Variants in PARD3B observed in about 807,000 individuals in gnomAD.
The protein encoded by PARD3B is partitioning defective 3 homolog B.
A neutral mutation model predicts 130.2 loss-of-function variants in PARD3B; 103 were observed. The ratio of observed to expected loss-of-function variants is 0.79; its 90% confidence interval spans 0.67 to 0.93. The LOEUF (loss-of-function observed/expected upper bound fraction) is 0.93, where lower values mean the gene tolerates loss of function less well. PARD3B is among the 40% of genes least tolerant of loss of function. The probability of loss-of-function intolerance (pLI) is 0.00; values close to 1 mark genes in which losing one functional copy is unlikely to be tolerated. For synonymous variants in PARD3B, 583 were observed against 553.2 expected (o/e 1.05, Z -0.76); for missense variants, 1,609 against 1,499.2 (o/e 1.07, Z -1.21).
At chr2:204,902,660 C>T (rs2046907996) in intron 2 of PARD3B, among the ~76,000 whole-genome samples, 1 of 112,932 alleles carries the variant, frequency 8.9e-6, no homozygotes, top group Non-Finnish European at 1.7e-5. Context: ...CAGAGCAAGA[C>T]TCTGTCTCAA....
At chr2:205,400,983 T>C in intron 18 of PARD3B, 30 bp from the exon 19 acceptor site, 2 of 1,508,352 alleles carry the variant, frequency 1.3e-6, no homozygotes, top group Non-Finnish European at 1.8e-6. Context: ...GTGATTATTG[T>C]TAACAGCCTT....
rs1404609547 is a variant in PARD3B at position 204,673,796 on chromosome 2, C to T, written c.121-12385C>T. Reference sequence around the variant, plus strand: ...TTGTTTGTTAATTATTGTCTTCTCCCTTCACTAAAATTTAAGCTTTATTCC... The same window carrying T: ...TTGTTTGTTAATTATTGTCTTCTCCTTTCACTAAAATTTAAGCTTTATTCC... On this transcript the variant is annotated intron_variant, in intron 1 of 22. Transcript: ENST00000406610. The surrounding 1 kb of genome is among the most constrained non-coding windows in gnomAD (Gnocchi z 4.7). Among the ~76,000 whole-genome samples, 3 of 152,124 alleles carry T rather than the reference C, an allele frequency of 2.0e-5. No individual in the cohort carries two copies. The highest frequency in any genetic ancestry group is 7.2e-5 in the African/African-American group (3 of 41,404).
At chr2:204,642,539 C>G (rs1476240567) in intron 1 of PARD3B, among the ~76,000 whole-genome samples, 1 of 152,088 alleles carries the variant, frequency 6.6e-6, no homozygotes, top group African/African-American at 2.4e-5. Flanking sequence ...GATTTCTGTC[C>G]ATGGTGGCAT....
chr2:204,698,240 C>G (rs908295825), intron 2 of PARD3B, among the ~76,000 whole-genome samples: 1 of 152,102 alleles, frequency 6.6e-6, no homozygotes, highest in African/African-American at 2.4e-5. Flanking sequence ...TTTTGGGCTC[C>G]TCTTTATTTC....
intron 1 of PARD3B, among the ~76,000 whole-genome samples, chr2:204,584,620 C>A (rs2125086000): frequency 6.6e-6 from 1 of 152,250 alleles, no homozygotes; most frequent in African/African-American, 2.4e-5. Flanking sequence ...TGATGTCTGG[C>A]TTCTACTCCT....
At position 205,291,132 on chromosome 2, in the gene PARD3B, G is replaced by A. The variant is rs1265008886; in HGVS notation, c.2186-9398G>A. Among the ~76,000 whole-genome samples, 1 of 152,146 alleles carries A rather than the reference G, an allele frequency of 6.6e-6. No homozygotes were observed. Among genetic ancestry groups the A allele is most frequent in the Admixed American group, 6.5e-5 (1 of 15,282 alleles). On this transcript the variant is annotated intron_variant, in intron 16 of 22. Coordinates refer to ENST00000406610, the MANE Select transcript of PARD3B (RefSeq NM_001302769.2). The surrounding 1 kb of genome is among the most constrained non-coding windows in gnomAD (Gnocchi z 4.6). ...CAGCTTTGAAACTGGGTAATGGGTG[G>A]AGGCTGAAAGAGTTTTTAAGTGCAT...
rs960598373 is a variant in PARD3B at position 205,470,720 on chromosome 2, A to T, written c.3045-29176A>T. On this transcript the variant is annotated intron_variant, in intron 20 of 22. Coordinates refer to ENST00000406610, the MANE Select transcript of PARD3B (RefSeq NM_001302769.2). This position sits in a 1 kb window ranked among gnomAD's most constrained non-coding sequence, Gnocchi z 4.8. ...TAAAACGTAATGAGGTTTCAAACAG[A>T]TGTGGCCACTGCCCCTAGGAGTTGG... Among the ~76,000 whole-genome samples the T allele has an allele frequency of 1.1e-4, 16 of 152,210 alleles. No homozygotes were observed. Among genetic ancestry groups the T allele is most frequent in the African/African-American group, 3.9e-4 (16 of 41,456 alleles).
chr2:205,347,062 C>A (rs1485853686), intron 18 of PARD3B, among the ~76,000 whole-genome samples: 1 of 152,124 alleles, frequency 6.6e-6, no homozygotes, highest in Non-Finnish European at 1.5e-5. Flanking sequence ...ATTTCATATT[C>A]CTTATTCAAA....
chr2:204,600,120 T>C (rs114785691), intron 1 of PARD3B, among the ~76,000 whole-genome samples: 1,633 of 152,020 alleles, frequency 0.011, 30 homozygotes, highest in African/African-American at 0.037. Context: ...TGCCATTCTG[T>C]AGGTTGCCTT....
intron 2 of PARD3B, among the ~76,000 whole-genome samples, chr2:204,804,780 G>A (rs1054842888): frequency 5.3e-5 from 8 of 152,066 alleles, no homozygotes; most frequent in Admixed American, 1.3e-4. Context: ...ATAATATCAA[G>A]CATGTTCTCT....
intron 2 of PARD3B, among the ~76,000 whole-genome samples, chr2:204,721,060 T>C (rs941185858): frequency 3.9e-5 from 6 of 152,166 alleles, no homozygotes; most frequent in East Asian, 1.9e-4. Flanking sequence ...TCTGTGGTCA[T>C]AACTTAGTCA....
At chr2:205,452,700 G>A (rs113908986) in intron 20 of PARD3B, among the ~76,000 whole-genome samples, 164 of 151,722 alleles carry the variant, frequency 1.1e-3, no homozygotes, top group Middle Eastern at 6.8e-3. Context: ...TTTTTTTCCC[G>A]TCGTCTGAGA....
At chr2:205,337,913 G>T (rs143140507) in intron 18 of PARD3B, among the ~76,000 whole-genome samples, 36 of 152,198 alleles carry the variant, frequency 2.4e-4, no homozygotes, top group African/African-American at 8.4e-4. Context: ...AGTTTGGGAG[G>T]CCAAGGCGGG....
intron 2 of PARD3B, among the ~76,000 whole-genome samples, chr2:204,805,004 A>G (rs945309036): frequency 1.8e-4 from 28 of 152,092 alleles, no homozygotes; most frequent in African/African-American, 6.5e-4. Flanking sequence ...GCCATCTTCA[A>G]ATAAACAACT....
chr2:205,550,721 G>A lies in PARD3B; in HGVS notation c.3181-2603G>A, dbSNP rs565966491. Among the ~76,000 whole-genome samples, 1 of 151,534 alleles carries A rather than the reference G, an allele frequency of 6.6e-6. No individual in the cohort carries two copies. Among genetic ancestry groups the A allele is most frequent in the African/African-American group, 2.4e-5 (1 of 41,296 alleles). ...TACATTTCATACAATCTTATATGCT[G>A]TTGGGTATATTTCATAGGTGTGTGT... is the stretch of plus-strand genomic sequence containing the variant. On this transcript the variant is annotated intron_variant, in intron 21 of 22. Transcript: ENST00000406610. The surrounding 1 kb of genome is among the most constrained non-coding windows in gnomAD (Gnocchi z 4.5).
At chr2:205,384,002 C>A (rs560201157) in intron 18 of PARD3B, among the ~76,000 whole-genome samples, 1 of 152,068 alleles carries the variant, frequency 6.6e-6, no homozygotes, top group Non-Finnish European at 1.5e-5. Context: ...TCCTTTGGGA[C>A]TCTGAAACTG....
chr2:205,554,229 G>A (rs1229042889), intron 22 of PARD3B, among the ~76,000 whole-genome samples: 2 of 142,552 alleles, frequency 1.4e-5, no homozygotes, highest in East Asian at 4.4e-4. Flanking sequence ...CTTTTAAAGG[G>A]GTGGGGGAAA....
intron 18 of PARD3B, among the ~76,000 whole-genome samples, chr2:205,380,910 T>C (rs1343749015): frequency 3.5e-5 from 3 of 85,010 alleles, no homozygotes; most frequent in Non-Finnish European, 3.9e-5. Flanking sequence ...ATATAATATA[T>C]AAAGAATATA....
At position 204,675,398 on chromosome 2, in the gene PARD3B, G is replaced by A. The variant is rs35999742; in HGVS notation, c.121-10783G>A. Among the ~76,000 whole-genome samples, 3,701 of 151,810 alleles carry A rather than the reference G, an allele frequency of 0.024. 47 individuals carry two copies. The highest frequency in any genetic ancestry group is 0.041 in the South Asian group (198 of 4,800). Reference sequence around the variant, plus strand: ...ATAACTTCAGTTTTGTGATTATACTGTATATAAACCTGAAGAGTTACATAA... The same window carrying A: ...ATAACTTCAGTTTTGTGATTATACTATATATAAACCTGAAGAGTTACATAA... On this transcript the variant is annotated intron_variant, in intron 1 of 22. Coordinates refer to ENST00000406610, the MANE Select transcript of PARD3B (RefSeq NM_001302769.2). This position sits in a 1 kb window ranked among gnomAD's most constrained non-coding sequence, Gnocchi z 4.4.
Sources: allele counts gnomAD v4.1 joint callset (sites outside exome capture counted in the v4.1 genomes callset), GRCh38; gene constraint gnomAD v4.1.1; non-coding constraint Gnocchi (gnomAD v3.1); transcripts MANE v1.5; gene names NCBI Gene and HGNC (gene_info 2026-07-23, HGNC 2026-07-21).